MYO9A: variants seen among roughly 807,000 people sequenced by gnomAD.
The protein encoded by MYO9A is myosin IXA, also known as unconventional myosin-IXa.
Under a neutral mutation model 293.3 loss-of-function variants are expected in MYO9A, and 103 were observed. That is an observed-to-expected ratio of 0.35 (90% CI 0.30 to 0.41). The LOEUF (loss-of-function observed/expected upper bound fraction) is 0.41, where lower values mean the gene tolerates loss of function less well. MYO9A is among the 10% of genes least tolerant of loss of function. The pLI, the probability that MYO9A is intolerant of heterozygous loss-of-function variation, is 1.00. For missense variants in MYO9A, 2,685 were observed against 3,033.0 expected, an observed-to-expected ratio of 0.89 and a Z score of 2.69; for synonymous variants, 1,001 against 1,035.7, an observed-to-expected ratio of 0.97 and a Z score of 0.64.
At chr15:71,995,034 T>C (rs967325357) in intron 9 of MYO9A, among the ~76,000 whole-genome samples, 4 of 152,228 alleles carry the variant, frequency 2.6e-5, no homozygotes, top group African/African-American at 7.2e-5. Flanking sequence ...ACCCAGCCAA[T>C]TGAAGTTTTC....
chr15:71,899,641 A>T, intron 24 of MYO9A, 46 bp downstream of exon 24: 1 of 1,501,736 alleles, frequency 6.7e-7, no homozygotes, highest in Non-Finnish European at 9.0e-7. Context: ...TAAACAAAGT[A>T]CTTGGGAAGA....
intron 1 of MYO9A, among the ~76,000 whole-genome samples, chr15:72,115,235 T>C (rs545358796): frequency 2.0e-5 from 3 of 152,304 alleles, no homozygotes; most frequent in South Asian, 2.1e-4. Flanking sequence ...CTAAAACCTT[T>C]TCTCCTCCCT....
chr15:71,989,713 C>T (rs2148333556), intron 11 of MYO9A, among the ~76,000 whole-genome samples: 1 of 152,168 alleles, frequency 6.6e-6, no homozygotes, highest in Non-Finnish European at 1.5e-5. Flanking sequence ...AAAACACACA[C>T]ACACATCTTT....
intron 39 of MYO9A, among the ~76,000 whole-genome samples, chr15:71,835,652 T>C (rs950247249): frequency 3.9e-5 from 6 of 152,154 alleles, no homozygotes; most frequent in African/African-American, 1.4e-4. Flanking sequence ...AGATATATCA[T>C]GTTCACAGAT....
At chr15:71,941,726 G>T (rs1192274059) in intron 15 of MYO9A, among the ~76,000 whole-genome samples, 1 of 151,986 alleles carries the variant, frequency 6.6e-6, no homozygotes, top group African/African-American at 2.4e-5. Context: ...GAATCAAATT[G>T]CTGAATGCCA....
intron 11 of MYO9A, among the ~76,000 whole-genome samples, chr15:71,988,678 T>G (rs2076464755): frequency 1.3e-5 from 2 of 152,224 alleles, no homozygotes; most frequent in Admixed American, 1.3e-4. Flanking sequence ...CTCCCTCTTT[T>G]CTGTAGACCT....
intron 39 of MYO9A, among the ~76,000 whole-genome samples, chr15:71,840,331 C>T (rs569463533): frequency 8.5e-5 from 13 of 152,256 alleles, no homozygotes; most frequent in African/African-American, 3.1e-4. Context: ...CCAAAGATAA[C>T]TCATTGATGG....
intron 1 of MYO9A, among the ~76,000 whole-genome samples, chr15:72,084,761 T>C (rs989694769): frequency 6.6e-6 from 1 of 152,232 alleles, no homozygotes; most frequent in African/African-American, 2.4e-5. Context: ...GTTGGAATTT[T>C]TCTTTAAGAA....
At chr15:71,997,042 A>G (rs900169791) in intron 9 of MYO9A, among the ~76,000 whole-genome samples, 4 of 152,134 alleles carry the variant, frequency 2.6e-5, no homozygotes, top group African/African-American at 9.7e-5. Context: ...AACTGCCAAG[A>G]TATTAAGTCT....
chr15:71,998,550 C>CTTTTTTTTTTTTTTTTTTTTTTTTTTTTT (rs765185033), intron 9 of MYO9A, among the ~76,000 whole-genome samples: 2 of 106,190 alleles, frequency 1.9e-5, no homozygotes, highest in Non-Finnish European at 1.8e-5. Flanking sequence ...ATTTGGCTTT[C>CTTTTTTTTTTTTTTTTTTTTTTTTTTTTT]TTTTTTTTTT....
At chr15:72,042,900 T>C (rs764402947) in intron 2 of MYO9A, among the ~76,000 whole-genome samples, 4 of 151,612 alleles carry the variant, frequency 2.6e-5, no homozygotes, top group South Asian at 4.2e-4. Flanking sequence ...ACCTCGTCTC[T>C]ACTAAAAATT....
At chr15:71,929,649 G>A (rs2058422818) in intron 18 of MYO9A, among the ~76,000 whole-genome samples, 1 of 152,210 alleles carries the variant, frequency 6.6e-6, no homozygotes, top group Non-Finnish European at 1.5e-5. Context: ...ACTGATCATG[G>A]TAAATGATCC....
At chr15:71,958,055 C>T (rs1008216658) in intron 14 of MYO9A, among the ~76,000 whole-genome samples, 2 of 152,080 alleles carry the variant, frequency 1.3e-5, no homozygotes, top group African/African-American at 2.4e-5. Flanking sequence ...ATTAAGATAT[C>T]ATCAAAGGAA....
Position 71,925,753 on chromosome 15 carries a change from T to C in MYO9A, c.2562+7917A>G, listed in dbSNP as rs957721215. ...GTTACTTAACATTTAATTGTAGCTA[T>C]AGACATCACTTACCATTTTGAGTTA... is the stretch of plus-strand genomic sequence containing the variant. On this transcript the variant is annotated intron_variant, in intron 18 of 41. Coordinates refer to ENST00000356056, the MANE Select transcript of MYO9A (RefSeq NM_006901.4). 9.2e-5 allele frequency among the ~76,000 whole-genome samples: 14 copies of C among 152,324 alleles called. 1 individual carries two copies. In the Middle Eastern group the frequency reaches 0.01, roughly 111 times the overall value.
Position 71,825,998 on chromosome 15 carries a change from T to TG in MYO9A, c.*581_*582insC, listed in dbSNP as rs1567169985. The TG allele has an allele frequency of 8.3e-6, 1 of 120,416 alleles. No homozygotes were observed. Among genetic ancestry groups the TG allele is most frequent in the Non-Finnish European group, 1.7e-5 (1 of 59,556 alleles). 7.5% of individuals were successfully genotyped at this position (120,416 alleles called of 1,614,324 possible). A position where few individuals can be genotyped will look rare whatever the true frequency, so the allele number is the denominator to read the frequency against. On this transcript the variant is annotated 3_prime_UTR_variant, in exon 42 of 42. Transcript: ENST00000356056. ...GAAACAATCACGGTTTTTTTTTGTTTTTTTTTTTTTGTTTTTTTTTTTTGT... is the reference window on the plus strand; with the variant it reads ...GAAACAATCACGGTTTTTTTTTGTTTGTTTTTTTTTTGTTTTTTTTTTTTGT...
At chr15:71,951,632 T>C in intron 15 of MYO9A, 145 bp downstream of exon 15, 1 of 839,402 alleles carries the variant, frequency 1.2e-6, no homozygotes, top group Non-Finnish European at 1.8e-6. Context: ...TACTAAAGAC[T>C]CAATAGAAAT....
intron 13 of MYO9A, among the ~76,000 whole-genome samples, chr15:71,967,666 G>A (rs1490669704): frequency 6.6e-6 from 1 of 152,090 alleles, no homozygotes; most frequent in Non-Finnish European, 1.5e-5. Flanking sequence ...TGCAGAGAAG[G>A]GAAAAATTCA....
At chr15:72,028,679 C>T (rs2077763180) in intron 3 of MYO9A, among the ~76,000 whole-genome samples, 1 of 137,544 alleles carries the variant, frequency 7.3e-6, no homozygotes, top group Non-Finnish European at 1.5e-5. Flanking sequence ...AAACACAGTA[C>T]ACAAGATCCC....
rs2080041738 is a variant in MYO9A, at chr15:72,095,754, C to T, written c.-72+21926G>A. Among the ~76,000 whole-genome samples the T allele has an allele frequency of 2.2e-5, 2 of 92,078 alleles. 1 individual carries two copies. Among genetic ancestry groups the T allele is most frequent in the Non-Finnish European group, 6.6e-5 (2 of 30,376 alleles). The allele number at this position is 92,078 out of a possible 152,430, so 60.4% of individuals were successfully genotyped here. Reference sequence around the variant, plus strand: ...TAAGCTGAAACCAATGCTCATTGACCATTCTGAAAATCCTAGGGCTCTTGA... The same window carrying T: ...TAAGCTGAAACCAATGCTCATTGACTATTCTGAAAATCCTAGGGCTCTTGA... On this transcript the variant is annotated intron_variant, in intron 1 of 41. Coordinates refer to ENST00000356056, the MANE Select transcript of MYO9A (RefSeq NM_006901.4).
Sources: gnomAD v4.1 joint callset for allele counts (sites outside exome capture counted in the v4.1 genomes callset) on GRCh38, gnomAD v4.1.1 for gene constraint, MANE v1.5 for transcripts, NCBI Gene and HGNC (gene_info 2026-07-23, HGNC 2026-07-21) for gene names.